The following CUBN variants were observed in gnomAD, a reference collection of about 807,000 sequenced individuals.
CUBN encodes 460 kDa receptor.
CUBN carries 282 observed loss-of-function variants against 405.3 expected under a neutral mutation model. The observed-to-expected ratio is 0.70, with a 90% CI of 0.63 to 0.77. CUBN has a LOEUF of 0.77. Ranked by LOEUF, CUBN falls within the 30% of genes least tolerant of loss-of-function variation. The pLI, the probability that CUBN is intolerant of heterozygous loss-of-function variation, is 0.00. For synonymous variants in CUBN, 1,684 were observed against 1,617.0 expected, an observed-to-expected ratio of 1.04 and a Z score of -0.99; for missense variants, 4,514 against 4,475.2, an observed-to-expected ratio of 1.01 and a Z score of -0.25.
At chr10:17,016,858 A>C (rs1457853730) in intron 28 of CUBN, among the ~76,000 whole-genome samples, 1 of 152,140 alleles carries the variant, frequency 6.6e-6, no homozygotes, top group Non-Finnish European at 1.5e-5. Flanking sequence ...ATAGTTGTGT[A>C]TTCACCTTCA....
Position 16,824,977 on chromosome 10 carries a change from A to G in CUBN, c.10870T>C (p.Ter3624GlnextTer29). The change falls in exon 67 of 67, where the codon TAA becomes CAA. Residue 3624 changes from the stop codon to glutamine, a stop_lost. Coordinates refer to ENST00000377833, the MANE Select transcript of CUBN (RefSeq NM_001081.4). ...PSAFRLTWDS[*>Q] The stretch of plus-strand genomic sequence containing the variant: ...AGTGAACACGAGTTGTTACCCACTT[A>G]GCTGTCCCAAGTTAATCGGAATGCG... The G allele has an allele frequency of 6.2e-7, 1 of 1,611,070 alleles. No homozygotes were observed. The highest frequency in any genetic ancestry group is 2.2e-5 in the East Asian group (1 of 44,846).
intron 43 of CUBN, among the ~76,000 whole-genome samples, chr10:16,921,839 T>C (rs1564425181): frequency 6.6e-6 from 1 of 152,212 alleles, no homozygotes; most frequent in Non-Finnish European, 1.5e-5. Flanking sequence ...TCAGTCTAGA[T>C]CCCTGTTCTG....
chr10:16,962,737 C>T (rs1843270252), intron 31 of CUBN, among the ~76,000 whole-genome samples: 1 of 152,164 alleles, frequency 6.6e-6, no homozygotes, highest in Non-Finnish European at 1.5e-5. Context: ...GTGGAGAGGC[C>T]TGTGTGGCAG....
rs186764618 is a variant in CUBN, at chr10:16,942,496, T to G, written c.5343-2259A>C. The stretch of plus-strand genomic sequence containing the variant: ...TGAAAAGATTTTCAAACATTATTAG[T>G]CATTAGAGAAATGCAAATCAAAACC... On this transcript the variant is annotated intron_variant, in intron 36 of 66. Transcript: ENST00000377833. Among the ~76,000 whole-genome samples, 4 of 152,260 alleles carry G rather than the reference T, an allele frequency of 2.6e-5. No individual in the cohort carries two copies. The East Asian group carries it at 7.7e-4, about 29-fold the overall frequency.
rs1218598881 is a variant in CUBN, at chr10:16,925,360, C to CA, written c.6526dup (p.Cys2176LeufsTer14). 6.2e-7 allele frequency: 1 copy of CA among 1,613,934 alleles called. No individual in the cohort carries two copies. ...CAGAGTTGATGAAGCATGACTGCCA[C>CA]AAAAATGACCATTTCCTCCAGGGGG... On this transcript the variant is annotated frameshift_variant, in exon 43 of 67. Transcript: ENST00000377833. LOFTEE classifies it high-confidence loss of function.
chr10:16,949,432 C>CT (rs1271711503), intron 34 of CUBN, among the ~76,000 whole-genome samples: 2 of 91,224 alleles, frequency 2.2e-5, no homozygotes, highest in East Asian at 6.7e-4. Flanking sequence ...CTTAAATGGC[C>CT]TGGTGTGTGT....
Position 17,114,160 on chromosome 10 carries a change from C to A in CUBN, c.750G>T (p.Gly250=). The A allele has an allele frequency of 1.2e-6, 2 of 1,613,834 alleles. No individual in the cohort carries two copies. The highest frequency in any genetic ancestry group is 1.7e-6 in the Non-Finnish European group (2 of 1,179,924). ...CAGGGCTGTTGGGTGAAAACATCCA[C>A]CCAGCATCACAGACGCAGCTGTACT... ...EPKYSCVCDA[G]WMFSPNSPAC... is the part of the protein sequence containing the mutation. Residue 250 remains glycine, a synonymous_variant, in exon 8 of 67, where the codon GGG becomes GGT. Transcript: ENST00000377833.
intron 36 of CUBN, among the ~76,000 whole-genome samples, chr10:16,944,008 T>A (rs1330798988): frequency 6.6e-6 from 1 of 152,224 alleles, no homozygotes; most frequent in Non-Finnish European, 1.5e-5. Flanking sequence ...TTGGCTTAGA[T>A]CTGTTAGTAA....
At chr10:17,093,457 G>A (rs552823626) in intron 14 of CUBN, among the ~76,000 whole-genome samples, 1 of 152,190 alleles carries the variant, frequency 6.6e-6, no homozygotes, top group South Asian at 2.1e-4. Flanking sequence ...TCATATTCTA[G>A]GAAATATGGC....
chr10:16,856,755 G>A (rs11815986), intron 59 of CUBN, among the ~76,000 whole-genome samples: 23 of 152,086 alleles, frequency 1.5e-4, no homozygotes, highest in African/African-American at 5.1e-4. Context: ...TGTGCTGTAC[G>A]AGCAGATACA....
intron 28 of CUBN, among the ~76,000 whole-genome samples, chr10:17,008,429 CGTGTGTGT>C (rs59235819): frequency 3.0e-5 from 4 of 131,634 alleles, no homozygotes; most frequent in East Asian, 4.6e-4. Context: ...AATCCCTGCT[CGTGTGTGT>C]GTGTGTGTGT....
chr10:16,873,721 CA>C (rs56307605), intron 58 of CUBN, among the ~76,000 whole-genome samples: 454 of 116,436 alleles, frequency 3.9e-3, no homozygotes, highest in Non-Finnish European at 5.2e-3. Context: ...GACCTTCTCT[CA>C]AAAAAAAAAA....
At chr10:16,888,892 TAAAG>T (rs1840907314) in intron 55 of CUBN, among the ~76,000 whole-genome samples, 1 of 152,194 alleles carries the variant, frequency 6.6e-6, no homozygotes, top group Non-Finnish European at 1.5e-5. Flanking sequence ...TTCATGCAGA[TAAAG>T]AAATAAAACA....
chr10:17,015,125 C>A (rs995809707), intron 28 of CUBN, among the ~76,000 whole-genome samples: 1 of 152,202 alleles, frequency 6.6e-6, no homozygotes, highest in Non-Finnish European at 1.5e-5. Context: ...CCTTACTAAG[C>A]CTTGAGCTTT....
chr10:16,960,074 G>A (rs1334168693), intron 31 of CUBN, among the ~76,000 whole-genome samples: 1 of 152,186 alleles, frequency 6.6e-6, no homozygotes, highest in African/African-American at 2.4e-5. Flanking sequence ...TCTAACTGCC[G>A]AAGCTCTTAA....
At chr10:16,964,597 T>C (rs1588527356) in intron 31 of CUBN, among the ~76,000 whole-genome samples, 1 of 152,206 alleles carries the variant, frequency 6.6e-6, no homozygotes. Context: ...ACAAATTTAA[T>C]ATGAGGAGCA....
intron 4 of CUBN, among the ~76,000 whole-genome samples, chr10:17,126,239 A>C (rs975272181): frequency 2.0e-5 from 3 of 152,268 alleles, no homozygotes; most frequent in African/African-American, 7.2e-5. Context: ...AAGGGGTAAG[A>C]AGCCTAAGTT....
chr10:16,923,497 T>A (rs1842096197), intron 43 of CUBN, among the ~76,000 whole-genome samples: 1 of 152,198 alleles, frequency 6.6e-6, no homozygotes, highest in Non-Finnish European at 1.5e-5. Flanking sequence ...GCTATAGTTA[T>A]GGAACAATCT....
chr10:16,840,552 A>G lies in CUBN; in HGVS notation c.9827-17T>C. 1 of 1,553,196 alleles carries G rather than the reference A, an allele frequency of 6.4e-7. No individual in the cohort carries two copies. Among genetic ancestry groups the G allele is most frequent in the Non-Finnish European group, 8.8e-7 (1 of 1,140,622 alleles). Reference sequence around the variant, plus strand: ...CACAAGGCACTGGAGAGGGAGGAAAAAGCAACACAGGAGACATTTTATTCA... The same window carrying G: ...CACAAGGCACTGGAGAGGGAGGAAAGAGCAACACAGGAGACATTTTATTCA... On this transcript the variant is annotated splice_polypyrimidine_tract_variant and intron_variant, in intron 61 of 66. Coordinates refer to ENST00000377833, the MANE Select transcript of CUBN (RefSeq NM_001081.4).
Sources: allele counts gnomAD v4.1 joint callset (sites outside exome capture counted in the v4.1 genomes callset), GRCh38; gene constraint gnomAD v4.1.1; transcripts MANE v1.5; gene names NCBI Gene and HGNC (gene_info 2026-07-23, HGNC 2026-07-21).